The following ABI3BP variants were observed in gnomAD, a reference collection of about 807,000 sequenced individuals.
ABI3BP encodes target of Nesh-SH3.
A neutral mutation model predicts 268.6 loss-of-function variants in ABI3BP; 216 were observed. The observed-to-expected ratio is 0.80, with a 90% CI of 0.72 to 0.90. The LOEUF is 0.90. ABI3BP is among the 40% of genes least tolerant of loss of function. ABI3BP has a pLI of 0.00. For synonymous variants in ABI3BP, 730 were observed against 730.0 expected, an observed-to-expected ratio of 1.00 and a Z score of 0.00; for missense variants, 2,090 against 2,182.4, an observed-to-expected ratio of 0.96 and a Z score of 0.84.
At chr3:100,834,820 A>C in intron 28 of ABI3BP, 47 bp from the exon 29 acceptor site, 1 of 1,500,334 alleles carries the variant, frequency 6.7e-7, no homozygotes, top group Non-Finnish European at 9.0e-7. Flanking sequence ...TCCAGAAACC[A>C]AAGAAAGGAT....
intron 1 of ABI3BP, among the ~76,000 whole-genome samples, chr3:100,950,505 G>A (rs994609063): frequency 6.7e-6 from 1 of 149,976 alleles, no homozygotes; most frequent in Non-Finnish European, 1.5e-5. Flanking sequence ...AGAAGAAGTG[G>A]CATCTGATCT....
At chr3:100,867,163 A>G (rs952047938) in intron 9 of ABI3BP, among the ~76,000 whole-genome samples, 1 of 152,134 alleles carries the variant, frequency 6.6e-6, no homozygotes, top group Non-Finnish European at 1.5e-5. Context: ...TTTCTTATTA[A>G]CCCTAGGTAA....
At chr3:100,818,341 A>T (rs951259823) in intron 41 of ABI3BP, among the ~76,000 whole-genome samples, 184 bp downstream of exon 41, 1 of 152,224 alleles carries the variant, frequency 6.6e-6, no homozygotes, top group African/African-American at 2.4e-5. Flanking sequence ...ATATTAGTTC[A>T]TGCACAGTTC....
intron 9 of ABI3BP, among the ~76,000 whole-genome samples, chr3:100,872,168 C>G (rs1331652810): frequency 2.6e-5 from 4 of 152,146 alleles, no homozygotes; most frequent in African/African-American, 9.7e-5. Flanking sequence ...AAGATAGGCA[C>G]TTCCCTCAAA....
At position 100,926,366 on chromosome 3, in the gene ABI3BP, G is replaced by A. The variant is rs1214176628; in HGVS notation, c.195C>T (p.Ser65=). 1 of 1,613,514 alleles carries A rather than the reference G, an allele frequency of 6.2e-7. No individual in the cohort carries two copies. Among genetic ancestry groups the A allele is most frequent in the South Asian group, 1.1e-5 (1 of 91,064 alleles). The stretch of plus-strand genomic sequence containing the variant: ...GGAAGTACTGGTTTGGTGATACATT[G>A]CTGCCATATCCCAGGAGAAGACCTT... ...KLEGLLLGYG[S]NVSPNQYFPL... is the part of the protein sequence containing the mutation. Residue 65 remains serine (S), a synonymous_variant, in exon 2 of 68, where the codon AGC becomes AGT. Coordinates refer to ENST00000471714, the MANE Select transcript of ABI3BP (RefSeq NM_001375547.2).
At chr3:100,989,805 G>A (rs1020766412) in intron 1 of ABI3BP, among the ~76,000 whole-genome samples, 2 of 152,066 alleles carry the variant, frequency 1.3e-5, no homozygotes, top group Non-Finnish European at 2.9e-5. Flanking sequence ...CTGTTTGCCA[G>A]GAAAAGAAAA....
intron 49 of ABI3BP, 49 bp downstream of exon 49, chr3:100,810,363 A>G (rs1351029443): frequency 6.8e-7 from 1 of 1,463,518 alleles, no homozygotes; most frequent in Non-Finnish European, 9.2e-7. Context: ...CCATACTGAC[A>G]TTCTGCAAAC....
Position 100,874,861 on chromosome 3 carries a change from T to C in ABI3BP, c.890A>G (p.Asp297Gly), listed in dbSNP as rs957046056. 24 of 1,596,244 alleles carry C rather than the reference T, an allele frequency of 1.5e-5. No individual in the cohort carries two copies. The highest frequency in any genetic ancestry group is 2.1e-5 in the Non-Finnish European group (24 of 1,169,772). ...CTTACCTAATTGTGTCTTGAGTGCATCTGAAATCTCAAACATTAGGGATGC... is the reference window on the plus strand; with the variant it reads ...CTTACCTAATTGTGTCTTGAGTGCACCTGAAATCTCAAACATTAGGGATGC... Reference protein sequence around the residue: ...LPASLMFEISDALKTQLAKNE... With the variant: ...LPASLMFEISGALKTQLAKNE... The change falls in exon 9 of 68, where the codon GAT becomes GGT. Residue 297 changes from aspartate to glycine, a missense_variant. Transcript: ENST00000471714.
chr3:100,823,655 T>C (rs2098293026), intron 36 of ABI3BP, 141 bp from the exon 37 acceptor site: 1 of 653,918 alleles, frequency 1.5e-6, no homozygotes, highest in Non-Finnish European at 2.5e-6. Flanking sequence ...AAGGAAAGAA[T>C]GTGTGTTTGT....
chr3:100,783,030 C>T (rs1485228225), intron 57 of ABI3BP, among the ~76,000 whole-genome samples: 1 of 152,182 alleles, frequency 6.6e-6, no homozygotes, highest in African/African-American at 2.4e-5. Context: ...AGCAATTTAT[C>T]ATCCAAAATG....
rs143064338 is a variant in ABI3BP, at chr3:100,907,493, G to C, written c.260-4807C>G. 4.3e-3 allele frequency among the ~76,000 whole-genome samples: 658 copies of C among 151,984 alleles called. 5 individuals are homozygous for C. The highest frequency in any genetic ancestry group is 0.015 in the African/African-American group (606 of 41,442). ...TGGGTGACAGTGAGACCTTGTTTTG[G>C]GGGGGGAATAAAAGCTGTAACAATG... On this transcript the variant is annotated intron_variant, in intron 2 of 67. Coordinates refer to ENST00000471714, the MANE Select transcript of ABI3BP (RefSeq NM_001375547.2).
Position 100,815,977 on chromosome 3 carries a change from C to A in ABI3BP, c.3230-6G>T. ...TTCAAAGCCTGTAACAGAAACTAAC[C>A]AAAAGCAACAACATGAATACAAGAA... On this transcript the variant is annotated splice_polypyrimidine_tract_variant and splice_region_variant and intron_variant, in intron 43 of 67. Coordinates refer to ENST00000471714, the MANE Select transcript of ABI3BP (RefSeq NM_001375547.2). 1 of 1,507,064 alleles carries A rather than the reference C, an allele frequency of 6.6e-7. No homozygotes were observed. Among genetic ancestry groups the A allele is most frequent in the Non-Finnish European group, 8.8e-7 (1 of 1,135,446 alleles). The allele number at this position is 1,507,064 out of a possible 1,614,324, so 93.4% of individuals were successfully genotyped here.
intron 6 of ABI3BP, among the ~76,000 whole-genome samples, chr3:100,884,520 C>T (rs1370161): frequency 0.71 from 108,089 of 151,960 alleles, 39,712 homozygotes; most frequent in Non-Finnish European, 0.8. Context: ...TTACCAAAAC[C>T]AATCTTCCTT....
At chr3:100,783,985 G>A (rs530136934) in intron 57 of ABI3BP, among the ~76,000 whole-genome samples, 27 of 152,350 alleles carry the variant, frequency 1.8e-4, no homozygotes, top group African/African-American at 6.5e-4. Context: ...TGGAAAAGCA[G>A]AATGCTAGAA....
At chr3:100,811,018 G>C (rs1185948750) in intron 48 of ABI3BP, among the ~76,000 whole-genome samples, 1 of 152,064 alleles carries the variant, frequency 6.6e-6, no homozygotes, top group Non-Finnish European at 1.5e-5. Flanking sequence ...CTTATGAAGA[G>C]AAAAAAAGCA....
At chr3:100,894,952 AAAAAAAAAAAAAAAACAG>A (rs1264925886) in intron 4 of ABI3BP, among the ~76,000 whole-genome samples, 3 of 111,726 alleles carry the variant, frequency 2.7e-5, no homozygotes, top group Admixed American at 8.7e-5. Flanking sequence ...AAAAAAAAAA[AAAAAAAAAAAAAAAACAG>A]AAAAAAAAAA....
At chr3:100,810,332 G>T in intron 49 of ABI3BP, 80 bp downstream of exon 49, 1 of 1,215,680 alleles carries the variant, frequency 8.2e-7, no homozygotes, top group Non-Finnish European at 1.2e-6. Context: ...TGAAGTCAGG[G>T]CCTCTGATAT....
chr3:100,945,247 A>T lies in ABI3BP; in HGVS notation c.80-18766T>A, dbSNP rs184745179. 6.3e-3 allele frequency among the ~76,000 whole-genome samples: 959 copies of T among 152,210 alleles called. 2 individuals are homozygous for T. The highest frequency in any genetic ancestry group is 0.01 in the Non-Finnish European group (706 of 67,992). ...TCCCCAATTGTACTTCAAATATATAAAAAAAGGAACAAATATTTTCACGAG... is the reference window on the plus strand; with the variant it reads ...TCCCCAATTGTACTTCAAATATATATAAAAAGGAACAAATATTTTCACGAG... On this transcript the variant is annotated intron_variant, in intron 1 of 67. Coordinates refer to ENST00000471714, the MANE Select transcript of ABI3BP (RefSeq NM_001375547.2).
intron 41 of ABI3BP, among the ~76,000 whole-genome samples, chr3:100,817,731 C>T (rs1165723811): frequency 6.6e-6 from 1 of 152,178 alleles, no homozygotes; most frequent in Non-Finnish European, 1.5e-5. Flanking sequence ...CTGATTCTTG[C>T]TACACATTAG....
Sources: gnomAD v4.1 joint callset for allele counts (sites outside exome capture counted in the v4.1 genomes callset) on GRCh38, gnomAD v4.1.1 for gene constraint, MANE v1.5 for transcripts, NCBI Gene and HGNC (gene_info 2026-07-23, HGNC 2026-07-21) for gene names.